Variants in CYP7B1 observed in about 807,000 individuals in gnomAD.
CYP7B1 encodes the protein cytochrome P450 7B1.
Under a neutral mutation model 42.7 loss-of-function variants are expected in CYP7B1, and 29 were observed. The observed-to-expected ratio is 0.68, with a 90% CI of 0.51 to 0.93. The LOEUF is 0.93. Ranked by LOEUF, CYP7B1 falls within the 40% of genes least tolerant of loss-of-function variation. CYP7B1 has a pLI of 0.00. For missense variants in CYP7B1, 655 were observed against 600.5 expected (o/e 1.09, Z -0.95); for synonymous variants, 235 against 218.2 (o/e 1.08, Z -0.68).
chr8:64,748,349 T>A (rs62521122), intron 1 of CYP7B1, among the ~76,000 whole-genome samples: 32,052 of 152,006 alleles, frequency 0.21, 3,577 homozygotes, highest in East Asian at 0.34. Context: ...CATTTCTCCT[T>A]CCTCCCCTAC....
At chr8:64,796,560 T>C in intron 1 of CYP7B1, among the ~76,000 whole-genome samples, 1 of 152,216 alleles carries the variant, frequency 6.6e-6, no homozygotes, top group East Asian at 1.9e-4. Flanking sequence ...TGGCAACATC[T>C]ATTAAAACAT....
chr8:64,651,747 C>A (rs373180872), intron 1 of CYP7B1, among the ~76,000 whole-genome samples: 1 of 152,168 alleles, frequency 6.6e-6, no homozygotes, highest in South Asian at 2.1e-4. Flanking sequence ...ATCTATGAAC[C>A]AGGAAGCAGC....
At chr8:64,612,060 T>G (rs1805371625) in intron 4 of CYP7B1, among the ~76,000 whole-genome samples, 1 of 152,158 alleles carries the variant, frequency 6.6e-6, no homozygotes, top group South Asian at 2.1e-4. Flanking sequence ...AATTGATCTA[T>G]CAAAATTCCA....
chr8:64,589,883 A>C (rs1319739589), downstream of CYP7B1: 1 of 152,208 alleles, frequency 6.6e-6, no homozygotes, highest in African/African-American at 2.4e-5. Context: ...TATATCTCTG[A>C]ACATTTACTT....
At chr8:64,629,516 T>C (rs1041673136) in intron 1 of CYP7B1, among the ~76,000 whole-genome samples, 1 of 152,160 alleles carries the variant, frequency 6.6e-6, no homozygotes, top group Non-Finnish European at 1.5e-5. Context: ...TTAATGAAGA[T>C]TTTCTTTTTG....
intron 1 of CYP7B1, among the ~76,000 whole-genome samples, chr8:64,753,074 T>C (rs1807753704): frequency 6.6e-6 from 1 of 152,200 alleles, no homozygotes; most frequent in Non-Finnish European, 1.5e-5. Flanking sequence ...GTGTTTGAAA[T>C]GTTATTTTCC....
intron 1 of CYP7B1, among the ~76,000 whole-genome samples, chr8:64,792,346 G>A (rs1442543484): frequency 6.6e-6 from 1 of 152,172 alleles, no homozygotes; most frequent in Non-Finnish European, 1.5e-5. Context: ...CACCTATCCA[G>A]ATTGCAGAAG....
intron 1 of CYP7B1, among the ~76,000 whole-genome samples, chr8:64,655,674 G>A (rs767563575): frequency 5.3e-5 from 8 of 152,042 alleles, no homozygotes; most frequent in Non-Finnish European, 7.4e-5. Context: ...TATACCCAGA[G>A]GAATATAAAC....
intron 1 of CYP7B1, among the ~76,000 whole-genome samples, chr8:64,703,482 A>C (rs1166148267): frequency 1.3e-5 from 2 of 152,054 alleles, no homozygotes; most frequent in Non-Finnish European, 2.9e-5. Context: ...ATACAAAAGA[A>C]GCCAGGAAAA....
intron 1 of CYP7B1, among the ~76,000 whole-genome samples, chr8:64,701,682 G>T (rs1806918740): frequency 6.6e-6 from 1 of 152,014 alleles, no homozygotes; most frequent in African/African-American, 2.4e-5. Flanking sequence ...ACAGAGATAG[G>T]CAAGGAGAGA....
chr8:64,701,464 G>A (rs777913297), intron 1 of CYP7B1, among the ~76,000 whole-genome samples: 15 of 152,066 alleles, frequency 9.9e-5, no homozygotes, highest in Non-Finnish European at 1.9e-4. Flanking sequence ...CTTTAATAAT[G>A]AAATAGTAAA....
At chr8:64,756,031 C>T (rs1054602386) in intron 1 of CYP7B1, among the ~76,000 whole-genome samples, 6 of 152,290 alleles carry the variant, frequency 3.9e-5, no homozygotes, top group African/African-American at 1.4e-4. Flanking sequence ...CTAAAAGTTA[C>T]ATCATTCGTC....
chr8:64,692,575 C>T (rs140725877), intron 1 of CYP7B1, among the ~76,000 whole-genome samples: 3 of 152,136 alleles, frequency 2.0e-5, no homozygotes, highest in Non-Finnish European at 4.4e-5. Flanking sequence ...GGTATAATTA[C>T]GTAAAGGTCA....
chr8:64,683,836 C>G (rs943746156), intron 1 of CYP7B1, among the ~76,000 whole-genome samples: 1 of 151,980 alleles, frequency 6.6e-6, no homozygotes, highest in African/African-American at 2.4e-5. Context: ...CCTTGCCAGT[C>G]ACGCTGTAAT....
intron 1 of CYP7B1, among the ~76,000 whole-genome samples, chr8:64,757,252 C>T (rs1008617614): frequency 1.5e-4 from 23 of 152,158 alleles, no homozygotes; most frequent in African/African-American, 5.6e-4. Context: ...ACTCAGTTTC[C>T]TCTGTGCAAG....
intron 1 of CYP7B1, among the ~76,000 whole-genome samples, chr8:64,676,791 A>G (rs952330182): frequency 1.2e-4 from 18 of 152,076 alleles, no homozygotes; most frequent in Non-Finnish European, 2.2e-4. Flanking sequence ...CACGGCATTA[A>G]AACACTGCTT....
chr8:64,622,502 T>A (rs184647226), intron 2 of CYP7B1, among the ~76,000 whole-genome samples: 1 of 152,286 alleles, frequency 6.6e-6, no homozygotes, highest in East Asian at 1.9e-4. Context: ...TCTAGGTAGG[T>A]GGACCAGGGA....
At chr8:64,721,076 A>C (rs1291980537) in intron 1 of CYP7B1, among the ~76,000 whole-genome samples, 1 of 151,984 alleles carries the variant, frequency 6.6e-6, no homozygotes, top group East Asian at 1.9e-4. Context: ...AAGTATAGAA[A>C]ACTGATTCTT....
At chr8:64,673,869 G>C (rs771354981) in intron 1 of CYP7B1, among the ~76,000 whole-genome samples, 4 of 151,990 alleles carry the variant, frequency 2.6e-5, no homozygotes, top group Non-Finnish European at 4.4e-5. Context: ...AATAGCCACA[G>C]GTTTAAAGGA....
Sources: gnomAD v4.1 joint callset for allele counts (sites outside exome capture counted in the v4.1 genomes callset) on GRCh38, gnomAD v4.1.1 for gene constraint, MANE v1.5 for transcripts, NCBI Gene and HGNC (gene_info 2026-07-23, HGNC 2026-07-21) for gene names.